Variants in NRXN3 observed in about 807,000 individuals in gnomAD.
NRXN3 encodes the protein neurexin III.
Under a neutral mutation model 137.6 loss-of-function variants are expected in NRXN3, and 32 were observed. The ratio of observed to expected loss-of-function variants is 0.23; its 90% CI spans 0.18 to 0.31. The LOEUF (loss-of-function observed/expected upper bound fraction) is 0.31, where lower values mean the gene tolerates loss of function less well. NRXN3 is among the 10% of genes least tolerant of loss of function. The pLI is 1.00. For missense variants in NRXN3, 1,574 were observed against 2,062.5 expected, an observed-to-expected ratio of 0.76 and a Z score of 4.59; for synonymous variants, 798 against 784.5, an observed-to-expected ratio of 1.02 and a Z score of -0.29.
chr14:79,062,819 G>A (rs558544729), intron 15 of NRXN3, among the ~76,000 whole-genome samples: 1 of 152,092 alleles, frequency 6.6e-6, no homozygotes, highest in Non-Finnish European at 1.5e-5. Context: ...TTTCATGCAA[G>A]AGAAAAATAT....
At chr14:78,635,047 G>A (rs1004584192) in intron 4 of NRXN3, among the ~76,000 whole-genome samples, 1 of 152,076 alleles carries the variant, frequency 6.6e-6, no homozygotes, top group Non-Finnish European at 1.5e-5. Context: ...AAAGCATTTG[G>A]CTCCTAAAAT....
rs147039171 is a variant in NRXN3, at chr14:78,800,022, T to A, written c.2045-3598T>A. Among the ~76,000 whole-genome samples the A allele has an allele frequency of 7.5e-3, 1,139 of 152,252 alleles. 56 individuals carry two copies. The highest frequency in any genetic ancestry group is 0.067 in the Admixed American group (1,021 of 15,280). On this transcript the variant is annotated intron_variant, in intron 8 of 20. Transcript: ENST00000335750. ...AAATAGAACAATAGAGATTATGCAA[T>A]CTGAATAGAAGAAATAAAAATTTTG... is the stretch of plus-strand genomic sequence containing the variant.
intron 19 of NRXN3, among the ~76,000 whole-genome samples, chr14:79,741,427 T>C (rs1037957387): frequency 6.6e-6 from 1 of 151,698 alleles, no homozygotes; most frequent in African/African-American, 2.4e-5. Flanking sequence ...ATCTGACATT[T>C]GTCCTGTCAT....
chr14:78,209,110 G>T (rs1188784466), intron 1 of NRXN3, among the ~76,000 whole-genome samples: 1 of 152,178 alleles, frequency 6.6e-6, no homozygotes, highest in African/African-American at 2.4e-5. Flanking sequence ...AGATAAGTCT[G>T]CACCTGGGAG....
At chr14:78,460,755 T>A (rs2153718093) in intron 4 of NRXN3, among the ~76,000 whole-genome samples, 1 of 152,268 alleles carries the variant, frequency 6.6e-6, no homozygotes, top group Non-Finnish European at 1.5e-5. Flanking sequence ...GGTCAATAAT[T>A]AGTTGGTATG....
intron 15 of NRXN3, among the ~76,000 whole-genome samples, chr14:79,227,462 T>A (rs1027625705): frequency 6.6e-6 from 1 of 152,194 alleles, no homozygotes. Context: ...GAATCTCGTT[T>A]GGCTATGACT....
At chr14:79,060,167 G>A (rs577305798) in intron 15 of NRXN3, among the ~76,000 whole-genome samples, 2 of 152,290 alleles carry the variant, frequency 1.3e-5, no homozygotes, top group South Asian at 2.1e-4. Flanking sequence ...TCTGAGGTAG[G>A]GCAAAGTCCC....
At chr14:78,852,402 A>C (rs1289793312) in intron 10 of NRXN3, among the ~76,000 whole-genome samples, 2 of 152,208 alleles carry the variant, frequency 1.3e-5, no homozygotes, top group Admixed American at 1.3e-4. Flanking sequence ...TAATGACATG[A>C]GTCTAAGTGG....
chr14:79,769,297 G>C (rs1194829836), intron 19 of NRXN3, among the ~76,000 whole-genome samples: 1 of 150,818 alleles, frequency 6.6e-6, no homozygotes, highest in East Asian at 2.0e-4. Flanking sequence ...TCCTCGAGAA[G>C]AGCAACTCCA....
At chr14:79,379,464 T>C (rs1448856332) in intron 15 of NRXN3, among the ~76,000 whole-genome samples, 1 of 152,174 alleles carries the variant, frequency 6.6e-6, no homozygotes, top group African/African-American at 2.4e-5. Context: ...ATATGACAGC[T>C]GCTTCCACAA....
chr14:79,020,143 C>A lies in NRXN3; in HGVS notation c.3262+32002C>A, dbSNP rs370937459. ...TTTTCCTTTCCCTTCCCTTCCCTTC[C>A]CTTCCCTTCCCTTCCCTTCCCTTCC... On this transcript the variant is annotated intron_variant, in intron 15 of 20. Coordinates refer to ENST00000335750, the MANE Select transcript of NRXN3 (RefSeq NM_001330195.2). 1.7e-3 allele frequency among the ~76,000 whole-genome samples: 17 copies of A among 10,096 alleles called. No homozygotes were observed. In the East Asian group the frequency reaches 0.054, roughly 32 times the overall value. The allele number at this position is 10,096 out of a possible 152,430, so 6.6% of individuals were successfully genotyped here.
At chr14:79,744,418 C>T (rs978016243) in intron 19 of NRXN3, among the ~76,000 whole-genome samples, 2 of 56,268 alleles carry the variant, frequency 3.6e-5, no homozygotes, top group African/African-American at 1.6e-4. Context: ...ATGTTTCCTA[C>T]CCCCCAAAAA....
chr14:78,469,195 A>G (rs1378492952), intron 4 of NRXN3, among the ~76,000 whole-genome samples: 1 of 152,066 alleles, frequency 6.6e-6, no homozygotes, highest in African/African-American at 2.4e-5. Context: ...TTTAATATTC[A>G]CAGGAAATCT....
chr14:79,501,417 AG>A (rs2096825375), intron 16 of NRXN3, among the ~76,000 whole-genome samples: 1 of 152,118 alleles, frequency 6.6e-6, no homozygotes. Flanking sequence ...ATGCATCATC[AG>A]TTAAGCTGTC....
chr14:79,213,020 T>C (rs1217594280), intron 15 of NRXN3, among the ~76,000 whole-genome samples: 1 of 152,160 alleles, frequency 6.6e-6, no homozygotes, highest in East Asian at 1.9e-4. Context: ...TTAGATACAA[T>C]ATATTTTTTT....
chr14:78,633,260 A>AAAAAAAAAAG (rs777062744), intron 4 of NRXN3, among the ~76,000 whole-genome samples: 15 of 148,368 alleles, frequency 1.0e-4, no homozygotes, highest in African/African-American at 1.7e-4. Context: ...TCAAAAAAAA[A>AAAAAAAAAAG]AAAAAAAAGA....
chr14:78,545,532 A>G (rs914134836), intron 4 of NRXN3, among the ~76,000 whole-genome samples: 1 of 152,210 alleles, frequency 6.6e-6, no homozygotes, highest in African/African-American at 2.4e-5. Context: ...TTATACATAT[A>G]GAAATGTATA....
At chr14:79,187,711 C>T (rs182224048) in intron 15 of NRXN3, among the ~76,000 whole-genome samples, 1 of 143,442 alleles carries the variant, frequency 7.0e-6, no homozygotes, top group Non-Finnish European at 1.5e-5. Flanking sequence ...GAAAAAATAG[C>T]GAATGTCCTT....
intron 15 of NRXN3, among the ~76,000 whole-genome samples, chr14:79,302,047 C>G (rs762321077): frequency 6.6e-6 from 1 of 151,950 alleles, no homozygotes; most frequent in Non-Finnish European, 1.5e-5. Flanking sequence ...TCAAACTTTT[C>G]AAATGTCAGC....
Sources: gnomAD v4.1 joint callset for allele counts (sites outside exome capture counted in the v4.1 genomes callset) on GRCh38, gnomAD v4.1.1 for gene constraint, MANE v1.5 for transcripts, NCBI Gene and HGNC (gene_info 2026-07-23, HGNC 2026-07-21) for gene names.